Variants in ELMO1 observed in about 807,000 individuals in gnomAD.
ELMO1 encodes the protein engulfment and cell motility protein 1.
In ELMO1, 26 loss-of-function variants were observed where a neutral mutation model predicts 98.9. The ratio of observed to expected loss-of-function variants is 0.26; its 90% confidence interval spans 0.19 to 0.36. The LOEUF (loss-of-function observed/expected upper bound fraction) is 0.36. Ranked by LOEUF, ELMO1 falls within the 10% of genes least tolerant of loss-of-function variation. The pLI is 1.00. For missense variants in ELMO1, 627 were observed against 935.2 expected (o/e 0.67, Z 4.30); for synonymous variants, 346 against 346.0 (o/e 1.00, Z 0.00).
chr7:37,221,060 G>A (rs10229122), intron 10 of ELMO1, among the ~76,000 whole-genome samples: 10 of 151,860 alleles, frequency 6.6e-5, no homozygotes, highest in Non-Finnish European at 8.8e-5. Context: ...CAGCCCTATC[G>A]ATGATTTCAC....
At chr7:37,389,867 G>A (rs775625241) in intron 1 of ELMO1, among the ~76,000 whole-genome samples, 1 of 151,912 alleles carries the variant, frequency 6.6e-6, no homozygotes, top group Non-Finnish European at 1.5e-5. Context: ...TCATTAGGGA[G>A]AGCTGCTCTT....
chr7:36,920,118 G>T (rs1324103688), intron 16 of ELMO1, among the ~76,000 whole-genome samples: 1 of 152,198 alleles, frequency 6.6e-6, no homozygotes, highest in African/African-American at 2.4e-5. Context: ...CCCAGCTCTT[G>T]CCTCTTCTAC....
At chr7:37,215,775 G>A (rs536843678) in intron 11 of ELMO1, among the ~76,000 whole-genome samples, 18 of 152,246 alleles carry the variant, frequency 1.2e-4, no homozygotes, top group Admixed American at 7.8e-4. Flanking sequence ...CCCCTGCCCC[G>A]ACAATCCCCC....
chr7:37,058,846 T>G (rs772360191), intron 15 of ELMO1, among the ~76,000 whole-genome samples: 1 of 152,162 alleles, frequency 6.6e-6, no homozygotes, highest in Non-Finnish European at 1.5e-5. Context: ...TAGTTAGCAG[T>G]GTGATATCAT....
intron 2 of ELMO1, among the ~76,000 whole-genome samples, chr7:37,330,315 T>C (rs1800036297): frequency 6.6e-6 from 1 of 152,250 alleles, no homozygotes; most frequent in Non-Finnish European, 1.5e-5. Flanking sequence ...CCCTTCTCTT[T>C]TGAGCCATGT....
intron 1 of ELMO1, among the ~76,000 whole-genome samples, chr7:37,372,438 A>C (rs1407203975): frequency 6.6e-6 from 1 of 152,180 alleles, no homozygotes; most frequent in East Asian, 1.9e-4. Context: ...AAATGATTAC[A>C]ATGAGTCCCT....
chr7:36,897,336 G>GTGTGTGTA (rs1554351192), intron 16 of ELMO1, among the ~76,000 whole-genome samples: 5 of 148,210 alleles, frequency 3.4e-5, no homozygotes, highest in Non-Finnish European at 7.5e-5. Context: ...GTGTGTGTGT[G>GTGTGTGTA]TGTGTGTGTG....
intron 15 of ELMO1, among the ~76,000 whole-genome samples, chr7:37,026,033 A>C (rs1422582108): frequency 3.3e-5 from 5 of 152,096 alleles, no homozygotes; most frequent in Non-Finnish European, 5.9e-5. Context: ...AAACAGTTCA[A>C]GGCAGGGCAA....
rs529146810 is a variant in ELMO1 at position 37,095,799 on chromosome 7, CACAGTAATACCAA to C, written c.1300+807_1300+819del. On this transcript the variant is annotated intron_variant, in intron 15 of 21. Transcript: ENST00000310758. ...GCAGGCAACTGAATATTTATGTTTT[CACAGTAATACCAA>C]ACACCCCAACATTTTTCTGGTATAA... 3.5e-4 allele frequency among the ~76,000 whole-genome samples: 53 copies of C among 152,260 alleles called. No homozygotes were observed. In the East Asian group the frequency reaches 8.5e-3, roughly 24 times the overall value.
chr7:36,998,125 TG>T (rs1430609719), intron 16 of ELMO1, among the ~76,000 whole-genome samples: 2 of 149,846 alleles, frequency 1.3e-5, no homozygotes, highest in African/African-American at 4.9e-5. Flanking sequence ...AGAGAAGAGA[TG>T]GGGGTGGGGG....
intron 11 of ELMO1, among the ~76,000 whole-genome samples, chr7:37,215,852 C>G (rs1397685417): frequency 6.6e-6 from 1 of 152,238 alleles, no homozygotes; most frequent in African/African-American, 2.4e-5. Context: ...CAGCCACCTC[C>G]TGATCTGTTG....
At chr7:37,355,061 GC>G (rs1202197595) in intron 1 of ELMO1, among the ~76,000 whole-genome samples, 1 of 152,148 alleles carries the variant, frequency 6.6e-6, no homozygotes, top group African/African-American at 2.4e-5. Context: ...CCGCATAGCC[GC>G]CTCTCACGGA....
chr7:36,891,289 G>A (rs376165894), intron 17 of ELMO1, among the ~76,000 whole-genome samples: 1 of 152,162 alleles, frequency 6.6e-6, no homozygotes, highest in East Asian at 1.9e-4. Flanking sequence ...TGTCTGGCAC[G>A]TGGCAGGCAC....
At chr7:36,871,236 G>A (rs1358757652) in intron 19 of ELMO1, among the ~76,000 whole-genome samples, 2 of 152,190 alleles carry the variant, frequency 1.3e-5, no homozygotes, top group Non-Finnish European at 2.9e-5. Context: ...CTTTTGATAA[G>A]ATCAGGTGAA....
At position 37,287,962 on chromosome 7, in the gene ELMO1, T is replaced by A. The variant is rs59224485; in HGVS notation, c.193-16080A>T. On this transcript the variant is annotated intron_variant, in intron 4 of 21. Transcript: ENST00000310758. ...GCTCAAATGTCACCTTTTTTTTGTTTATTTGTTTGTTTGTTTGAGACAGAG... is the reference window on the plus strand; with the variant it reads ...GCTCAAATGTCACCTTTTTTTTGTTAATTTGTTTGTTTGTTTGAGACAGAG... Among the ~76,000 whole-genome samples the A allele has an allele frequency of 7.6e-3, 1,156 of 152,228 alleles. 13 individuals carry two copies. The highest frequency in any genetic ancestry group is 0.027 in the African/African-American group (1,110 of 41,522).
chr7:36,961,471 G>A (rs1285978017), intron 16 of ELMO1, among the ~76,000 whole-genome samples: 1 of 152,164 alleles, frequency 6.6e-6, no homozygotes, highest in Non-Finnish European at 1.5e-5. Context: ...TACATGGTAT[G>A]AAAATTACAG....
intron 2 of ELMO1, among the ~76,000 whole-genome samples, chr7:37,339,131 G>A (rs542889225): frequency 2.6e-5 from 4 of 152,324 alleles, no homozygotes; most frequent in South Asian, 4.1e-4. Context: ...AAGACAGGCA[G>A]TTCCCAGTCT....
At chr7:37,006,657 T>C (rs181044473) in intron 16 of ELMO1, among the ~76,000 whole-genome samples, 6 of 152,270 alleles carry the variant, frequency 3.9e-5, no homozygotes, top group Non-Finnish European at 7.4e-5. Context: ...CAAAGACATA[T>C]ACAATATATC....
chr7:37,402,811 C>G (rs1027853403), intron 1 of ELMO1, among the ~76,000 whole-genome samples: 1 of 152,194 alleles, frequency 6.6e-6, no homozygotes, highest in Non-Finnish European at 1.5e-5. Flanking sequence ...TCTTTAATTT[C>G]TGTTCCCAAA....
Sources: allele counts gnomAD v4.1 joint callset (sites outside exome capture counted in the v4.1 genomes callset), GRCh38; gene constraint gnomAD v4.1.1; transcripts MANE v1.5; gene names NCBI Gene and HGNC (gene_info 2026-07-23, HGNC 2026-07-21).